The following IGF1R variants were observed in gnomAD, a reference collection of about 807,000 sequenced individuals.
IGF1R encodes the protein insulin-like growth factor 1 receptor.
Under a neutral mutation model 144.6 loss-of-function variants are expected in IGF1R, and 44 were observed. The ratio of observed to expected loss-of-function variants is 0.30; its 90% CI spans 0.24 to 0.39. The LOEUF (loss-of-function observed/expected upper bound fraction) is 0.39, where lower values mean the gene tolerates loss of function less well. Ranked by LOEUF, IGF1R falls within the 10% of genes least tolerant of loss-of-function variation. The pLI is 1.00. For missense variants in IGF1R, 1,355 were observed against 1,833.7 expected (o/e 0.74, Z 4.77); for synonymous variants, 795 against 722.8 (o/e 1.10, Z -1.60).
intron 2 of IGF1R, among the ~76,000 whole-genome samples, chr15:98,799,852 G>A (rs1281770906): frequency 6.6e-6 from 1 of 152,196 alleles, no homozygotes; most frequent in Non-Finnish European, 1.5e-5. Flanking sequence ...CAAGAGTTGA[G>A]AGGGGAACAG....
At chr15:98,772,068 A>G (rs1274730608) in intron 2 of IGF1R, among the ~76,000 whole-genome samples, 2 of 152,138 alleles carry the variant, frequency 1.3e-5, no homozygotes, top group East Asian at 3.9e-4. Context: ...GTTCTCATAC[A>G]CACACTGGCC....
At chr15:98,906,467 G>A (rs2014737110) in intron 5 of IGF1R, among the ~76,000 whole-genome samples, 1 of 152,172 alleles carries the variant, frequency 6.6e-6, no homozygotes, top group African/African-American at 2.4e-5. Flanking sequence ...GAGCAAGAAT[G>A]GGCTTATGAC....
chr15:98,954,505 C>T (rs1947272990), intron 20 of IGF1R: 1 of 152,178 alleles, frequency 6.6e-6, no homozygotes, highest in African/African-American at 2.4e-5. Context: ...TAAACAAGGT[C>T]TTGAATCCCA....
chr15:98,962,836 G>C lies in IGF1R; in HGVS notation c.*5394G>C. The C allele has an allele frequency of 4.3e-6, 1 of 233,716 alleles. No homozygotes were observed. The highest frequency in any genetic ancestry group is 8.5e-6 in the Non-Finnish European group (1 of 118,054). 14.5% of individuals were successfully genotyped at this position (233,716 alleles called of 1,614,324 possible). On this transcript the variant is annotated 3_prime_UTR_variant, in exon 21 of 21. Coordinates refer to ENST00000650285, the MANE Select transcript of IGF1R (RefSeq NM_000875.5). ...CATCCTACTCTGGAAACTGATCTCG[G>C]AGTTAAGGCGAATTGTTCAAGAACA... is the stretch of plus-strand genomic sequence containing the variant.
rs892078613 is a variant in IGF1R, at chr15:98,935,821, C to T, written c.3297+395C>T. Among the ~76,000 whole-genome samples, 14 of 152,160 alleles carry T rather than the reference C, an allele frequency of 9.2e-5. No homozygotes were observed. Among genetic ancestry groups the T allele is most frequent in the African/African-American group, 7.2e-5 (3 of 41,440 alleles). On this transcript the variant is annotated intron_variant, in intron 17 of 20. Transcript: ENST00000650285. The surrounding 1 kb of genome is among the most constrained non-coding windows in gnomAD (Gnocchi z 4.2). ...TCTCGATGCGCTTGACTCACATCCT[C>T]GTATGTGTTCTCTCTCGTTATGTTG...
intron 1 of IGF1R, among the ~76,000 whole-genome samples, chr15:98,706,514 A>G (rs1337097361): frequency 5.3e-5 from 8 of 152,148 alleles, no homozygotes; most frequent in African/African-American, 7.2e-5. Context: ...GTATCTGCCA[A>G]TAATGTTCAC....
intron 1 of IGF1R, among the ~76,000 whole-genome samples, chr15:98,670,513 C>T (rs1406755341): frequency 6.6e-6 from 1 of 152,066 alleles, no homozygotes; most frequent in Non-Finnish European, 1.5e-5. Flanking sequence ...CAAAAAAAAT[C>T]CCTTACATAT....
chr15:98,934,983 C>T lies in IGF1R; in HGVS notation c.3116C>T (p.Ala1039Val). 3 of 1,614,172 alleles carry T rather than the reference C, an allele frequency of 1.9e-6. No homozygotes were observed. The highest frequency in any genetic ancestry group is 2.5e-6 in the Non-Finnish European group (3 of 1,180,024). ...RVAIKTVNEA[A>V]SMRERIEFLN... is the part of the protein sequence containing the mutation. ...GCCATTAAAACAGTGAACGAGGCCG[C>T]AAGCATGCGTGAGAGGATTGAGTTT... Residue 1039 changes from alanine (A) to valine (V), a missense_variant, in exon 16 of 21, where the codon GCA becomes GTA. By Grantham distance (64) the Ala-to-Val change is moderately conservative. Coordinates refer to ENST00000650285, the MANE Select transcript of IGF1R (RefSeq NM_000875.5).
chr15:98,741,149 C>T (rs1486105634), intron 2 of IGF1R, among the ~76,000 whole-genome samples: 2 of 151,498 alleles, frequency 1.3e-5, no homozygotes, highest in African/African-American at 4.9e-5. Context: ...TTAGCAGACA[C>T]TCTCGTGTTG....
Position 98,835,254 on chromosome 15 carries a change from TACA to T in IGF1R, c.641-56065_641-56063del, listed in dbSNP as rs762029033. ...GGATTTGAAGGCTCTGCTAAGAGGC[TACA>T]ACAACTGTAGCATACAACTAGCACA... On this transcript the variant is annotated intron_variant, in intron 2 of 20. Transcript: ENST00000650285. 2.1e-4 allele frequency among the ~76,000 whole-genome samples: 32 copies of T among 152,050 alleles called. 2 individuals carry two copies. Among genetic ancestry groups the T allele is most frequent in the African/African-American group, 6.8e-4 (28 of 41,476 alleles).
rs949484748 is a variant in IGF1R at position 98,830,603 on chromosome 15, A to ACCTT, written c.641-60722_641-60721insCCTT. On this transcript the variant is annotated intron_variant, in intron 2 of 20. Coordinates refer to ENST00000650285, the MANE Select transcript of IGF1R (RefSeq NM_000875.5). The stretch of plus-strand genomic sequence containing the variant: ...AGCATGGTTCCAACATCTGATCATC[A>ACCTT]TCTTTTTTTTTTTTTTTTTAGATGG... Among the ~76,000 whole-genome samples the ACCTT allele has an allele frequency of 3.2e-3, 432 of 133,708 alleles. 2 individuals carry two copies. The highest frequency in any genetic ancestry group is 0.014 in the African/African-American group (421 of 30,408). 87.7% of individuals were successfully genotyped at this position (133,708 alleles called of 152,430 possible). A position where few individuals can be genotyped will look rare whatever the true frequency, so the allele number is the denominator to read the frequency against.
chr15:98,942,609 G>A (rs1408218525), intron 18 of IGF1R, among the ~76,000 whole-genome samples: 1 of 152,204 alleles, frequency 6.6e-6, no homozygotes, highest in African/African-American at 2.4e-5. Context: ...AAAGTGCTGG[G>A]ATTACAGGCG....
chr15:98,734,924 C>T (rs1046242476), intron 2 of IGF1R, among the ~76,000 whole-genome samples: 2 of 152,062 alleles, frequency 1.3e-5, no homozygotes, highest in African/African-American at 4.8e-5. Context: ...AAACACTGGC[C>T]CTAAAGAAGG....
At chr15:98,719,308 A>G (rs2054192932) in intron 2 of IGF1R, among the ~76,000 whole-genome samples, 1 of 152,116 alleles carries the variant, frequency 6.6e-6, no homozygotes, top group Non-Finnish European at 1.5e-5. Flanking sequence ...AGGCAGCACC[A>G]TCCGTTGGGT....
chr15:98,866,603 T>G (rs977000953), intron 2 of IGF1R, among the ~76,000 whole-genome samples: 1 of 152,162 alleles, frequency 6.6e-6, no homozygotes, highest in Non-Finnish European at 1.5e-5. Flanking sequence ...TGGTCATCAA[T>G]TATAGTGACG....
chr15:98,834,189 T>G (rs965990944), intron 2 of IGF1R, among the ~76,000 whole-genome samples: 4 of 152,248 alleles, frequency 2.6e-5, no homozygotes, highest in South Asian at 4.1e-4. Flanking sequence ...CTGTACCTTT[T>G]TTGGGAAAGA....
rs898253807 is a variant in IGF1R at position 98,842,809 on chromosome 15, T to G, written c.641-48516T>G. On this transcript the variant is annotated intron_variant, in intron 2 of 20. Coordinates refer to ENST00000650285, the MANE Select transcript of IGF1R (RefSeq NM_000875.5). ...AGATGCAGTAGGATTTGTGCAAGTA[T>G]TCTGCTATGAGCCTAAGATTTTCAA... Among the ~76,000 whole-genome samples, 8 of 152,232 alleles carry G rather than the reference T, an allele frequency of 5.3e-5. 1 individual carries two copies. In the South Asian group the frequency reaches 1.7e-3, roughly 31 times the overall value.
At chr15:98,721,240 G>A (rs1346998688) in intron 2 of IGF1R, among the ~76,000 whole-genome samples, 1 of 152,202 alleles carries the variant, frequency 6.6e-6, no homozygotes, top group Admixed American at 6.5e-5. Context: ...CCATTGCTGG[G>A]TTATTTGGTC....
At chr15:98,741,383 T>C (rs1358788241) in intron 2 of IGF1R, among the ~76,000 whole-genome samples, 1 of 152,100 alleles carries the variant, frequency 6.6e-6, no homozygotes, top group Non-Finnish European at 1.5e-5. Context: ...GATACTTCCT[T>C]TTTTGGAAAT....
Sources: allele counts gnomAD v4.1 joint callset (sites outside exome capture counted in the v4.1 genomes callset), GRCh38; gene constraint gnomAD v4.1.1; non-coding constraint Gnocchi (gnomAD v3.1); transcripts MANE v1.5; gene names NCBI Gene and HGNC (gene_info 2026-07-23, HGNC 2026-07-21).